Variants in LRP1B observed in about 807,000 individuals in gnomAD.
The protein encoded by LRP1B is LDL receptor related protein 1B, also known as low-density lipoprotein receptor-related protein 1B.
LRP1B carries 217 observed loss-of-function variants against 556.6 expected under a neutral mutation model. That is an observed-to-expected ratio of 0.39 (90% CI 0.35 to 0.44). The LOEUF (loss-of-function observed/expected upper bound fraction) is 0.44, where lower values mean the gene tolerates loss of function less well. Ranked by LOEUF, LRP1B falls within the 20% of genes least tolerant of loss-of-function variation. The probability of loss-of-function intolerance (pLI) is 1.00; values close to 1 mark genes in which losing one functional copy is unlikely to be tolerated. For synonymous variants in LRP1B, 2,047 were observed against 1,865.8 expected, an observed-to-expected ratio of 1.10 and a Z score of -2.50; for missense variants, 5,053 against 5,620.8, an observed-to-expected ratio of 0.90 and a Z score of 3.23.
At position 140,534,118 on chromosome 2, in the gene LRP1B, G is replaced by A. The variant is rs1690842875; in HGVS notation, c.7665C>T (p.Gly2555=). The A allele has an allele frequency of 3.7e-6, 6 of 1,613,126 alleles. No homozygotes were observed. Among genetic ancestry groups the A allele is most frequent in the Non-Finnish European group, 5.1e-6 (6 of 1,179,396 alleles). The change falls in exon 47 of 91, where the codon GGC becomes GGT. Residue 2555 remains glycine, a synonymous_variant. Transcript: ENST00000389484. ...AGCGGCGATTATAGCATGGCTTGAA[G>A]CCTCTTCGACAGCTTCTGTTTTCTT... ...LYCENRSCRR[G]FKPCYNRRCI...
At chr2:141,214,827 C>A (rs138854992) in intron 6 of LRP1B, among the ~76,000 whole-genome samples, 2 of 152,242 alleles carry the variant, frequency 1.3e-5, no homozygotes, top group East Asian at 3.9e-4. Flanking sequence ...CTGAAATTAG[C>A]TCTTACACTT....
chr2:140,824,177 CTTAA>C lies in LRP1B; in HGVS notation c.5210-10375_5210-10372del, dbSNP rs201400816. Among the ~76,000 whole-genome samples the C allele has an allele frequency of 6.6e-3, 1,008 of 151,782 alleles. 14 individuals are homozygous for C. The highest frequency in any genetic ancestry group is 0.023 in the African/African-American group (958 of 41,438). On this transcript the variant is annotated intron_variant, in intron 31 of 90. Transcript: ENST00000389484. The stretch of plus-strand genomic sequence containing the variant: ...AATCTGAAATTCTTTAGTATTTTCT[CTTAA>C]TTAGTAAGAAACATAAGCTATTAAA...
Position 140,613,352 on chromosome 2 carries a change from A to AATAATTATATAAATATAAATGTAT in LRP1B, c.6800-11714_6800-11713insATACATTTATATTTATATAATTAT, listed in dbSNP as rs1683139868. Among the ~76,000 whole-genome samples, 4 of 88,854 alleles carry AATAATTATATAAATATAAATGTAT rather than the reference A, an allele frequency of 4.5e-5. 1 individual carries two copies. The South Asian group carries it at 1.2e-3, about 27-fold the overall frequency. 58.3% of individuals were successfully genotyped at this position (88,854 alleles called of 152,430 possible). ...ATATAATTATATACATATAAATATAAATAATTATATAAATATAAATATATA... is the reference window on the plus strand; with the variant it reads ...ATATAATTATATACATATAAATATAAATAATTATATAAATATAAATGTATATAATTATATAAATATAAATATATA... On this transcript the variant is annotated intron_variant, in intron 41 of 90. Transcript: ENST00000389484.
At chr2:141,510,769 C>A (rs1684099265) in intron 2 of LRP1B, among the ~76,000 whole-genome samples, 1 of 151,794 alleles carries the variant, frequency 6.6e-6, no homozygotes, top group South Asian at 2.1e-4. Context: ...TGATTTCTTC[C>A]ATTATCCTGA....
chr2:141,158,330 A>C (rs910872941), intron 7 of LRP1B, among the ~76,000 whole-genome samples: 2 of 152,196 alleles, frequency 1.3e-5, no homozygotes, highest in African/African-American at 4.8e-5. Context: ...TCATATAATA[A>C]AAAGCAAAAT....
rs1268150962 is a variant in LRP1B, at chr2:142,130,732, T to C, written c.-3A>G. Reference sequence around the variant, plus strand: ...AAGGCGAGGAGAAACTCGGACATTGTGGTCGCCCGGTAAGGAAGCCTGCGC... The same window carrying C: ...AAGGCGAGGAGAAACTCGGACATTGCGGTCGCCCGGTAAGGAAGCCTGCGC... On this transcript the variant is annotated 5_prime_UTR_variant, in exon 1 of 91. Transcript: ENST00000389484. The C allele has an allele frequency of 3.1e-6, 5 of 1,609,906 alleles. No homozygotes were observed. Among genetic ancestry groups the C allele is most frequent in the Middle Eastern group, 1.7e-4 (1 of 6,058 alleles).
At position 140,601,446 on chromosome 2, in the gene LRP1B, T is replaced by C. The variant is rs2105197996; in HGVS notation, c.6989+4A>G. On this transcript the variant is annotated splice_donor_region_variant and intron_variant, in intron 42 of 90. Coordinates refer to ENST00000389484, the MANE Select transcript of LRP1B (RefSeq NM_018557.3). Reference sequence around the variant, plus strand: ...TGAAGAAATAAAACTACACTGTTTCTTACTTTTGACATTCATCCAAGGCTA... The same window carrying C: ...TGAAGAAATAAAACTACACTGTTTCCTACTTTTGACATTCATCCAAGGCTA... 6.2e-7 allele frequency: 1 copy of C among 1,604,362 alleles called. No homozygotes were observed. The highest frequency in any genetic ancestry group is 8.5e-7 in the Non-Finnish European group (1 of 1,173,398).
intron 2 of LRP1B, among the ~76,000 whole-genome samples, chr2:141,624,036 C>CAAAAAAAAAAAAAAAAAAAA: frequency 1.6e-3 from 143 of 90,656 alleles, no homozygotes; most frequent in East Asian, 3.0e-3. Context: ...AAAAATTAAA[C>CAAAAAAAAAAAAAAAAAAAA]AAAAAAAAAA....
intron 60 of LRP1B, among the ~76,000 whole-genome samples, chr2:140,472,012 T>G (rs1355686308): frequency 6.6e-6 from 1 of 152,204 alleles, no homozygotes; most frequent in Non-Finnish European, 1.5e-5. Context: ...TGCTCAAAGA[T>G]TTTCCCACTT....
In LRP1B at chr2:141,103,511, T is replaced by C. The variant is rs1236736499; in HGVS notation, c.1014-41238A>G. Among the ~76,000 whole-genome samples, 5 of 151,988 alleles carry C rather than the reference T, an allele frequency of 3.3e-5. No homozygotes were observed. The East Asian group carries it at 5.8e-4, about 18-fold the overall frequency. ...AAGTACATTTGCAGAAGCTGGGCCA[T>C]AGCACACACATTCTCTCTCTCTCTT... On this transcript the variant is annotated intron_variant, in intron 7 of 90. Transcript: ENST00000389484.
chr2:142,087,471 A>C (rs1705989638), intron 1 of LRP1B, among the ~76,000 whole-genome samples: 1 of 151,826 alleles, frequency 6.6e-6, no homozygotes, highest in East Asian at 1.9e-4. Context: ...CTCCAAAGAG[A>C]AATTATAAGA....
chr2:141,260,909 A>AATT (rs1265624068), intron 3 of LRP1B, among the ~76,000 whole-genome samples: 3 of 152,250 alleles, frequency 2.0e-5, no homozygotes, highest in African/African-American at 7.2e-5. Context: ...TTGCTTCTTA[A>AATT]ATTAGGTGTG....
At chr2:141,549,639 C>G (rs551499880) in intron 2 of LRP1B, among the ~76,000 whole-genome samples, 148 of 152,164 alleles carry the variant, frequency 9.7e-4, no homozygotes, top group African/African-American at 3.4e-3. Flanking sequence ...TTGCGAATTA[C>G]AAAACAGAGA....
chr2:140,775,969 A>G (rs1006894471), intron 33 of LRP1B, 129 bp downstream of exon 33: 4 of 769,194 alleles, frequency 5.2e-6, no homozygotes, highest in Admixed American at 3.2e-5. Flanking sequence ...AGTAAGCAAC[A>G]TTTTCCTTTT....
rs138078941 is a variant in LRP1B, at chr2:141,732,802, C to T, written c.205+77477G>A. 2.4e-3 allele frequency among the ~76,000 whole-genome samples: 371 copies of T among 152,032 alleles called. 2 individuals carry two copies. The highest frequency in any genetic ancestry group is 8.5e-3 in the African/African-American group (352 of 41,468). On this transcript the variant is annotated intron_variant, in intron 2 of 90. Coordinates refer to ENST00000389484, the MANE Select transcript of LRP1B (RefSeq NM_018557.3). ...AGAAATGTATAAAATCATCTTAAACCGCATAGACTATAAGTTTAGTTGTAA... is the reference window on the plus strand; with the variant it reads ...AGAAATGTATAAAATCATCTTAAACTGCATAGACTATAAGTTTAGTTGTAA...
intron 5 of LRP1B, among the ~76,000 whole-genome samples, chr2:141,231,748 A>G (rs935545840): frequency 6.6e-6 from 1 of 151,438 alleles, no homozygotes; most frequent in African/African-American, 2.4e-5. Context: ...TCTGCCATAA[A>G]CCTCTCCTCC....
intron 2 of LRP1B, among the ~76,000 whole-genome samples, chr2:141,521,581 T>A (rs1441152176): frequency 1.3e-5 from 2 of 151,882 alleles, no homozygotes; most frequent in Admixed American, 1.3e-4. Context: ...TTAGATTTGC[T>A]TTCAGATTGA....
chr2:140,737,281 T>G (rs1687979198), intron 35 of LRP1B, among the ~76,000 whole-genome samples: 1 of 152,176 alleles, frequency 6.6e-6, no homozygotes, highest in Non-Finnish European at 1.5e-5. Flanking sequence ...GACCATTTAC[T>G]TGGGTCACTC....
rs545356774 is a variant in LRP1B, at chr2:140,814,600, C to G, written c.5210-794G>C. ...AAATTTATAATTACTCATCTATTTT[C>G]CATAAAATTTACTTAGGCAGTTACA... On this transcript the variant is annotated intron_variant, in intron 31 of 90. Transcript: ENST00000389484. Among the ~76,000 whole-genome samples the G allele has an allele frequency of 4.6e-5, 7 of 152,266 alleles. No homozygotes were observed. In the East Asian group the frequency reaches 9.7e-4, roughly 21 times the overall value.
Sources: gnomAD v4.1 joint callset for allele counts (sites outside exome capture counted in the v4.1 genomes callset) on GRCh38, gnomAD v4.1.1 for gene constraint, MANE v1.5 for transcripts, NCBI Gene and HGNC (gene_info 2026-07-23, HGNC 2026-07-21) for gene names.